The following SGCD variants were observed in gnomAD, a reference collection of about 807,000 sequenced individuals.
SGCD encodes delta-sarcoglycan.
SGCD carries 18 observed loss-of-function variants against 36.6 expected under a neutral mutation model. The observed-to-expected ratio is 0.49, with a 90% CI of 0.34 to 0.73. The LOEUF (loss-of-function observed/expected upper bound fraction) is 0.73, where lower values mean the gene tolerates loss of function less well. Among genes scored for constraint, SGCD ranks in the 30% least tolerant of loss-of-function variants. SGCD has a pLI of 0.01. For synonymous variants in SGCD, 133 were observed against 130.6 expected (o/e 1.02, Z -0.12); for missense variants, 387 against 346.7 (o/e 1.12, Z -0.92).
At chr5:156,023,252 A>C (rs1222571887) in intron 1 of SGCD, among the ~76,000 whole-genome samples, 1 of 152,234 alleles carries the variant, frequency 6.6e-6, no homozygotes, top group Non-Finnish European at 1.5e-5. Flanking sequence ...GTTATTAAAG[A>C]AGGAAAATTT....
intron 4 of SGCD, among the ~76,000 whole-genome samples, chr5:156,553,153 A>T (rs2113207959): frequency 6.6e-6 from 1 of 152,302 alleles, no homozygotes; most frequent in South Asian, 2.1e-4. Flanking sequence ...TGTGGAAAAT[A>T]GCAGAGTGAG....
At chr5:155,960,119 C>G (rs1205391047) in intron 1 of SGCD, among the ~76,000 whole-genome samples, 1 of 152,038 alleles carries the variant, frequency 6.6e-6, no homozygotes, top group Non-Finnish European at 1.5e-5. Context: ...GTCTTCTCCT[C>G]CCTCCTTTTT....
At chr5:155,878,882 AC>A (rs2113290537) in intron 1 of SGCD, among the ~76,000 whole-genome samples, 1 of 152,196 alleles carries the variant, frequency 6.6e-6, no homozygotes, top group Non-Finnish European at 1.5e-5. Context: ...CGTTATTTAA[AC>A]CAAACTTGTT....
At chr5:156,050,042 G>A (rs1759876225) in intron 1 of SGCD, among the ~76,000 whole-genome samples, 1 of 146,972 alleles carries the variant, frequency 6.8e-6, no homozygotes, top group Admixed American at 6.8e-5. Context: ...GGCAACAAAG[G>A]ATTTGAATAT....
chr5:156,077,230 C>T (rs111793287), intron 1 of SGCD, among the ~76,000 whole-genome samples: 2,814 of 152,282 alleles, frequency 0.018, 80 homozygotes, highest in African/African-American at 0.063. Context: ...ACGTGGCAAA[C>T]TCTTTCCTAT....
chr5:156,006,585 A>G (rs1758764341), intron 1 of SGCD, among the ~76,000 whole-genome samples: 1 of 152,198 alleles, frequency 6.6e-6, no homozygotes, highest in Non-Finnish European at 1.5e-5. Flanking sequence ...TTCACTCAAC[A>G]TGAGAAAGGA....
At chr5:156,043,323 C>G (rs78565896) in intron 1 of SGCD, among the ~76,000 whole-genome samples, 1 of 152,158 alleles carries the variant, frequency 6.6e-6, no homozygotes, top group Non-Finnish European at 1.5e-5. Context: ...AACTAAGAGA[C>G]ACACATCAAG....
the SGCD span, among the ~76,000 whole-genome samples, chr5:155,847,234 T>A: frequency 0.044 from 6,746 of 152,260 alleles, 319 homozygotes; most frequent in African/African-American, 0.12. Flanking sequence ...TTGGGTATAC[T>A]CACTATCTTC....
At chr5:156,595,193 G>A (rs948038367) in intron 6 of SGCD, 142 bp downstream of exon 6, 2 of 1,006,032 alleles carry the variant, frequency 2.0e-6, no homozygotes, top group Admixed American at 2.8e-5. Flanking sequence ...GTATTAGGAG[G>A]TGGAGCCTTG....
intron 8 of SGCD, among the ~76,000 whole-genome samples, chr5:156,758,635 T>C (rs1032552137): frequency 6.6e-6 from 1 of 152,218 alleles, no homozygotes; most frequent in Admixed American, 6.5e-5. Context: ...ATATGCAGTT[T>C]ATAGCTATCA....
rs190002342 is a variant in SGCD at position 155,914,147 on chromosome 5, T to C, written c.-282+43723T>C. ...GAAACCTTAAACTTGGAACTTCTCA[T>C]GCCTTTCACAGTGTTGTGTCTTGAA... On this transcript the variant is annotated intron_variant, in intron 1 of 9. Coordinates refer to the SGCD transcript ENST00000517913. 1.6e-3 allele frequency among the ~76,000 whole-genome samples: 247 copies of C among 152,290 alleles called. 1 individual carries two copies. The highest frequency in any genetic ancestry group is 3.5e-4 in the Non-Finnish European group (24 of 68,022).
intron 3 of SGCD, among the ~76,000 whole-genome samples, chr5:156,352,624 A>G (rs1038787604): frequency 6.6e-6 from 1 of 152,256 alleles, no homozygotes; most frequent in African/African-American, 2.4e-5. Context: ...ATTCGTTAAC[A>G]TTACAAAATC....
chr5:156,736,370 T>TA (rs1388021056), intron 7 of SGCD, among the ~76,000 whole-genome samples: 8 of 152,238 alleles, frequency 5.3e-5, no homozygotes, highest in African/African-American at 1.9e-4. Flanking sequence ...CCCAAAGATT[T>TA]GGATACAAAT....
intron 6 of SGCD, among the ~76,000 whole-genome samples, chr5:156,630,191 A>G (rs534974482): frequency 6.6e-6 from 1 of 152,276 alleles, no homozygotes; most frequent in South Asian, 2.1e-4. Flanking sequence ...TTAGTATGTG[A>G]AGTCTGATAG....
chr5:156,115,261 G>T (rs926253621), intron 1 of SGCD, among the ~76,000 whole-genome samples: 4 of 152,046 alleles, frequency 2.6e-5, no homozygotes, highest in African/African-American at 9.7e-5. Flanking sequence ...GGACTATTAG[G>T]ATCATTTTGG....
At chr5:156,406,018 TAAA>T (rs10529406) in intron 3 of SGCD, among the ~76,000 whole-genome samples, 2 of 103,974 alleles carry the variant, frequency 1.9e-5, no homozygotes, top group Admixed American at 1.1e-4. Context: ...TATCTTTGCT[TAAA>T]AAAAAAAAAA....
chr5:156,002,269 G>A (rs1183601994), intron 1 of SGCD, among the ~76,000 whole-genome samples: 3 of 152,130 alleles, frequency 2.0e-5, no homozygotes, highest in Admixed American at 2.0e-4. Flanking sequence ...CCACGTGATG[G>A]CACAGGGAGA....
intron 1 of SGCD, among the ~76,000 whole-genome samples, chr5:155,906,356 A>G (rs981046684): frequency 6.6e-6 from 1 of 152,154 alleles, no homozygotes; most frequent in African/African-American, 2.4e-5. Context: ...CAAATGAAAG[A>G]GAGTTGCATG....
intron 3 of SGCD, among the ~76,000 whole-genome samples, chr5:156,136,262 A>G (rs909517055): frequency 6.6e-6 from 1 of 152,102 alleles, no homozygotes; most frequent in African/African-American, 2.4e-5. Context: ...ACAGGTGCAC[A>G]CCATCATACC....
Sources: gnomAD v4.1 joint callset for allele counts (sites outside exome capture counted in the v4.1 genomes callset) on GRCh38, gnomAD v4.1.1 for gene constraint, MANE v1.5 for transcripts, NCBI Gene and HGNC (gene_info 2026-07-23, HGNC 2026-07-21) for gene names.